The following HTT variants were observed in gnomAD, a reference collection of about 807,000 sequenced individuals.
HTT encodes huntingtin, also known as huntington disease protein.
HTT carries 104 observed loss-of-function variants against 362.3 expected under a neutral mutation model. The observed-to-expected ratio is 0.29, with a 90% CI of 0.24 to 0.34. The LOEUF is 0.34. Ranked by LOEUF, HTT falls within the 10% of genes least tolerant of loss-of-function variation. The pLI, the probability that HTT is intolerant of heterozygous loss-of-function variation, is 1.00. For synonymous variants in HTT, 1,577 were observed against 1,548.7 expected (o/e 1.02, Z -0.43); for missense variants, 3,301 against 3,928.6 (o/e 0.84, Z 4.27).
chr4:3,092,150 G>A (rs566444288), intron 2 of HTT, among the ~76,000 whole-genome samples: 42 of 152,248 alleles, frequency 2.8e-4, no homozygotes, highest in African/African-American at 8.2e-4. Flanking sequence ...AGCCTCCTGA[G>A]TAGCTGGGAT....
chr4:3,176,028 T>TGC (rs201301333), intron 33 of HTT, among the ~76,000 whole-genome samples: 3 of 146,400 alleles, frequency 2.0e-5, no homozygotes, highest in African/African-American at 8.1e-5. Flanking sequence ...GTTGTTTGTT[T>TGC]TTTTTTGTTT....
chr4:3,086,176 A>C (rs1215116979), intron 1 of HTT, among the ~76,000 whole-genome samples: 2 of 152,248 alleles, frequency 1.3e-5, no homozygotes, highest in Non-Finnish European at 2.9e-5. Context: ...GTTTCTAATC[A>C]AACTATACCA....
In HTT at chr4:3,074,724, T is replaced by G; in HGVS notation, c.-102T>G. 7.7e-7 allele frequency: 1 copy of G among 1,296,110 alleles called. No homozygotes were observed. Among genetic ancestry groups the G allele is most frequent in the Admixed American group, 2.5e-5 (1 of 39,428 alleles). 80.3% of individuals were successfully genotyped at this position (1,296,110 alleles called of 1,614,324 possible). A position where few individuals can be genotyped will look rare whatever the true frequency, so the allele number is the denominator to read the frequency against. ...AGATGGACGGCCGCTCAGGTTCTGC[T>G]TTTACCTGCGGCCCAGAGCCCCATT... On this transcript the variant is annotated 5_prime_UTR_variant, in exon 1 of 67. Transcript: ENST00000355072.
chr4:3,101,596 G>T (rs1714160698), intron 3 of HTT, among the ~76,000 whole-genome samples: 1 of 152,220 alleles, frequency 6.6e-6, no homozygotes, highest in South Asian at 2.1e-4. Context: ...GTCTTCTCAT[G>T]AGTATGGCTG....
At chr4:3,182,059 T>C (rs1718547048) in intron 36 of HTT, among the ~76,000 whole-genome samples, 1 of 152,236 alleles carries the variant, frequency 6.6e-6, no homozygotes, top group Non-Finnish European at 1.5e-5. Flanking sequence ...TTGTGCCTTT[T>C]CTCTGATTGT....
intron 19 of HTT, 66 bp downstream of exon 19, chr4:3,134,606 T>C: frequency 7.2e-7 from 1 of 1,395,662 alleles, no homozygotes; most frequent in Non-Finnish European, 1.0e-6. Flanking sequence ...GATCACTTGA[T>C]GCAAGGAATG....
intron 53 of HTT, among the ~76,000 whole-genome samples, chr4:3,220,901 G>A (rs1341171963): frequency 6.6e-6 from 1 of 152,160 alleles, no homozygotes; most frequent in Non-Finnish European, 1.5e-5. Context: ...TAAAATGGGG[G>A]TCGTGTCTAT....
At chr4:3,090,186 C>T (rs960049275) in intron 2 of HTT, among the ~76,000 whole-genome samples, 2 of 152,094 alleles carry the variant, frequency 1.3e-5, no homozygotes, top group Admixed American at 6.5e-5. Context: ...CAGCTTCTGA[C>T]GTTTTCAATG....
At chr4:3,235,853 G>T in intron 63 of HTT, 75 bp downstream of exon 63, 1 of 1,158,520 alleles carries the variant, frequency 8.6e-7, no homozygotes. Context: ...TCACTCAAGG[G>T]ACCTCGACTA....
rs1159574285 is a variant in HTT at position 3,131,350 on chromosome 4, G to C, written c.2051G>C (p.Cys684Ser). Residue 684 changes from cysteine (C) to serine (S), a missense_variant, in exon 15 of 67, where the codon TGT becomes TCT. Cys to Ser is a moderately radical substitution (Grantham distance 112). Around this residue, in one of 4 missense-constraint regions of HTT, gnomAD observed 2,316 missense variants for 2,658.5 expected, o/e 0.87. Transcript: ENST00000355072. ...GATGACTCTGCACCTCTTGTCCATT[G>C]TGTCCGCCTTTTATCTGCTTCGTTT... ...TDDDSAPLVH[C>S]VRLLSASFLL... 1.2e-6 allele frequency: 2 copies of C among 1,613,936 alleles called. No individual in the cohort carries two copies. Among genetic ancestry groups the C allele is most frequent in the Non-Finnish European group, 1.7e-6 (2 of 1,180,020 alleles).
At chr4:3,190,829 C>T (rs73792357) in intron 40 of HTT, among the ~76,000 whole-genome samples, 1,612 of 152,316 alleles carry the variant, frequency 0.011, 33 homozygotes, top group African/African-American at 0.037. Context: ...AATGAGAATG[C>T]TTTGCTTTAA....
At chr4:3,225,231 C>T (rs1006031435) in intron 56 of HTT, among the ~76,000 whole-genome samples, 2 of 152,136 alleles carry the variant, frequency 1.3e-5, no homozygotes, top group East Asian at 1.9e-4. Flanking sequence ...GCCTGGGCAC[C>T]GAGGTGGGGT....
chr4:3,109,239 T>C (rs1050204999), intron 6 of HTT, among the ~76,000 whole-genome samples: 1 of 152,110 alleles, frequency 6.6e-6, no homozygotes, highest in Admixed American at 6.6e-5. Flanking sequence ...TCTTTTTTTT[T>C]CTTTGAGATG....
intron 1 of HTT, among the ~76,000 whole-genome samples, chr4:3,076,647 A>G (rs916141880): frequency 6.6e-6 from 1 of 152,182 alleles, no homozygotes. Flanking sequence ...CACACATTGC[A>G]TGTATCTTGT....
rs372342372 is a variant in HTT at position 3,233,117 on chromosome 4, C to T, written c.8266-46C>T. On this transcript the variant is annotated intron_variant, in intron 60 of 66. Transcript: ENST00000355072. ...CGGCTGTGGGGAGGAGCCACTGGGA[C>T]GTGAGCTCTGGTGGCATGCAGCAGC... The T allele has an allele frequency of 3.2e-4, 480 of 1,513,168 alleles. 1 individual carries two copies. Among genetic ancestry groups the T allele is most frequent in the Middle Eastern group, 2.0e-3 (9 of 4,596 alleles). 93.7% of individuals were successfully genotyped at this position (1,513,168 alleles called of 1,614,324 possible).
intron 2 of HTT, among the ~76,000 whole-genome samples, chr4:3,093,917 T>TG (rs1713666040): frequency 7.2e-6 from 1 of 139,832 alleles, no homozygotes; most frequent in Non-Finnish European, 1.5e-5. Flanking sequence ...TTTTTTTTTT[T>TG]TTTTTTTTTT....
intron 60 of HTT, 129 bp downstream of exon 60, chr4:3,230,171 AC>A (rs751015655): frequency 1.2e-5 from 9 of 720,336 alleles, no homozygotes; most frequent in Non-Finnish European, 1.9e-5. Flanking sequence ...ACCGGACTCC[AC>A]GGCCCACGTG....
At chr4:3,095,742 T>G (rs903782272) in intron 2 of HTT, among the ~76,000 whole-genome samples, 4 of 152,162 alleles carry the variant, frequency 2.6e-5, no homozygotes, top group African/African-American at 9.7e-5. Context: ...TATAAACAAT[T>G]AAGCAACAAC....
rs149032387 is a variant in HTT, at chr4:3,097,519, C to A, written c.348-1755C>A. ...TGGTGCTGTGTGCCTGTAATCCCAG[C>A]TACTTGGGAGGCTGAGGCAGGAGAA... On this transcript the variant is annotated intron_variant, in intron 2 of 66. Coordinates refer to ENST00000355072, the MANE Select transcript of HTT (RefSeq NM_001388492.1). Among the ~76,000 whole-genome samples, 486 of 152,290 alleles carry A rather than the reference C, an allele frequency of 3.2e-3. 3 individuals carry two copies. The highest frequency in any genetic ancestry group is 0.011 in the African/African-American group (466 of 41,546).
Sources: allele counts gnomAD v4.1 joint callset (sites outside exome capture counted in the v4.1 genomes callset), GRCh38; gene constraint gnomAD v4.1.1; regional missense constraint gnomAD v4.1.1; transcripts MANE v1.5; gene names NCBI Gene and HGNC (gene_info 2026-07-23, HGNC 2026-07-21).